The following BLOC1S5 variants were observed in gnomAD, a reference collection of about 807,000 sequenced individuals.
BLOC1S5 encodes biogenesis of lysosome-related organelles complex 1 subunit 5.
BLOC1S5 carries 27 observed loss-of-function variants against 24.3 expected under a neutral mutation model. That is an observed-to-expected ratio of 1.11 (90% CI 0.82 to 1.53). The LOEUF (loss-of-function observed/expected upper bound fraction) is 1.53. BLOC1S5 is among the 40% of genes most tolerant of loss of function. The pLI is 0.00. For missense variants in BLOC1S5, 239 were observed against 229.4 expected, an observed-to-expected ratio of 1.04 and a Z score of -0.27; for synonymous variants, 84 against 74.5, an observed-to-expected ratio of 1.13 and a Z score of -0.66.
rs1762701484 is a variant in BLOC1S5 at position 8,015,536 on chromosome 6, C to G, written c.*113G>C. ...ACTTCTTTCTTCTGATATAAGAGTG[C>G]CACTGAATATATTGCTAAGCTTGAA... On this transcript the variant is annotated 3_prime_UTR_variant, in exon 5 of 5. Transcript: ENST00000397457. 1.1e-5 allele frequency: 12 copies of G among 1,052,392 alleles called. No individual in the cohort carries two copies. The highest frequency in any genetic ancestry group is 1.8e-5 in the South Asian group (1 of 55,210). 65.2% of individuals were successfully genotyped at this position (1,052,392 alleles called of 1,614,324 possible). A position where few individuals can be genotyped will look rare whatever the true frequency, so the allele number is the denominator to read the frequency against.
intron 2 of BLOC1S5, among the ~76,000 whole-genome samples, chr6:8,059,773 T>C (rs1168954974): frequency 6.6e-6 from 1 of 152,160 alleles, no homozygotes; most frequent in East Asian, 1.9e-4. Flanking sequence ...GACCAATTGG[T>C]CTTGTGTTGG....
chr6:8,053,436 C>T (rs753957674), intron 2 of BLOC1S5, among the ~76,000 whole-genome samples: 18 of 152,096 alleles, frequency 1.2e-4, no homozygotes, highest in South Asian at 2.1e-4. Flanking sequence ...CCATTAACAT[C>T]GAAATAAGAT....
chr6:8,048,712 G>A (rs1365969891), intron 2 of BLOC1S5, among the ~76,000 whole-genome samples: 1 of 152,068 alleles, frequency 6.6e-6, no homozygotes, highest in Non-Finnish European at 1.5e-5. Flanking sequence ...ATTGTGCCTT[G>A]AAATTATGTG....
chr6:8,014,853 C>T lies in BLOC1S5; in HGVS notation c.*796G>A, dbSNP rs1762683198. On this transcript the variant is annotated 3_prime_UTR_variant, in exon 5 of 5. Coordinates refer to ENST00000397457, the MANE Select transcript of BLOC1S5 (RefSeq NM_201280.3). ...TTTATCTTATAAAGCTTACCCACAG[C>T]AAAACAGACACAAAAATGAGGTAAA... 1 of 152,498 alleles carries T rather than the reference C, an allele frequency of 6.6e-6. No homozygotes were observed. The highest frequency in any genetic ancestry group is 1.5e-5 in the Non-Finnish European group (1 of 68,024). The allele number at this position is 152,498 out of a possible 1,614,324, so 9.4% of individuals were successfully genotyped here.
intron 2 of BLOC1S5, among the ~76,000 whole-genome samples, chr6:8,051,443 C>T (rs561019888): frequency 1.3e-5 from 2 of 152,288 alleles, no homozygotes; most frequent in East Asian, 3.9e-4. Context: ...AGGAAAGACA[C>T]CATCTCCATA....
chr6:8,027,916 T>G (rs890318858), intron 3 of BLOC1S5, among the ~76,000 whole-genome samples: 5 of 152,196 alleles, frequency 3.3e-5, no homozygotes, highest in African/African-American at 1.2e-4. Context: ...AATCCTTTCC[T>G]TATTTCTTTC....
chr6:8,028,930 C>G lies in BLOC1S5; in HGVS notation c.326-2505G>C, dbSNP rs1561858132. Among the ~76,000 whole-genome samples, 2 of 151,884 alleles carry G rather than the reference C, an allele frequency of 1.3e-5. 1 individual carries two copies. The highest frequency in any genetic ancestry group is 4.2e-4 in the South Asian group (2 of 4,806). ...TGTAACTCAGTACGAAGTCATTTCCCCTGTTATCTCAGTGTTTTAGGAGAC... is the reference window on the plus strand; with the variant it reads ...TGTAACTCAGTACGAAGTCATTTCCGCTGTTATCTCAGTGTTTTAGGAGAC... On this transcript the variant is annotated intron_variant, in intron 3 of 4. Transcript: ENST00000397457.
At chr6:8,040,728 C>A (rs968126655) in intron 3 of BLOC1S5, among the ~76,000 whole-genome samples, 1 of 151,974 alleles carries the variant, frequency 6.6e-6, no homozygotes, top group African/African-American at 2.4e-5. Context: ...TGGTGAGACG[C>A]ACCTGTAGTC....
At chr6:8,047,160 T>TCACACACACACACA (rs57923927) in intron 2 of BLOC1S5, among the ~76,000 whole-genome samples, 1 of 126,948 alleles carries the variant, frequency 7.9e-6, no homozygotes, top group African/African-American at 3.1e-5. Context: ...TCTCTCTCTC[T>TCACACACACACACA]CACACACACA....
chr6:8,038,154 G>C (rs915563533), intron 3 of BLOC1S5, among the ~76,000 whole-genome samples: 4 of 152,082 alleles, frequency 2.6e-5, no homozygotes, highest in Non-Finnish European at 5.9e-5. Flanking sequence ...CAGACAAATG[G>C]GGTTACATCA....
chr6:8,041,733 G>C (rs1304613904), intron 2 of BLOC1S5: 1 of 147,148 alleles, frequency 6.8e-6, no homozygotes, highest in African/African-American at 2.5e-5. Flanking sequence ...TGCAAGCTCC[G>C]CCCGCTGGGT....
chr6:8,054,340 C>T, intron 2 of BLOC1S5: 1 of 418,208 alleles, frequency 2.4e-6, no homozygotes, highest in Non-Finnish European at 4.7e-6. Flanking sequence ...GGATATTACA[C>T]TGTCTGCCTT....
rs565388854 is a variant in BLOC1S5 at position 8,042,462 on chromosome 6, C to T, written c.196-1194G>A. Among the ~76,000 whole-genome samples the T allele has an allele frequency of 7.9e-5, 12 of 152,250 alleles. No individual in the cohort carries two copies. The East Asian group carries it at 1.7e-3, about 22-fold the overall frequency. On this transcript the variant is annotated intron_variant, in intron 2 of 4. Transcript: ENST00000397457. Reference sequence around the variant, plus strand: ...AACTTGACTAGTAAACAGTTTCCTCCGTTGGTATAAAACCCTTCCATAAAT... The same window carrying T: ...AACTTGACTAGTAAACAGTTTCCTCTGTTGGTATAAAACCCTTCCATAAAT...
intron 4 of BLOC1S5, among the ~76,000 whole-genome samples, chr6:8,024,700 G>T (rs1051106066): frequency 1.3e-5 from 2 of 152,020 alleles, no homozygotes; most frequent in African/African-American, 2.4e-5. Flanking sequence ...TTACCCACAC[G>T]GTGACCGCTC....
chr6:8,061,888 A>G (rs1225158014), intron 2 of BLOC1S5, among the ~76,000 whole-genome samples: 1 of 152,254 alleles, frequency 6.6e-6, no homozygotes, highest in Non-Finnish European at 1.5e-5. Flanking sequence ...GCAGGTGGTT[A>G]TGCTAGAAAA....
At chr6:8,049,122 G>A (rs1297618844) in intron 2 of BLOC1S5, among the ~76,000 whole-genome samples, 1 of 151,366 alleles carries the variant, frequency 6.6e-6, no homozygotes, top group East Asian at 2.0e-4. Context: ...TGTAATCCCA[G>A]CACTTTGGGA....
chr6:8,048,476 CAAACTTAAATT>C (rs1162801745), intron 2 of BLOC1S5, among the ~76,000 whole-genome samples: 2 of 151,574 alleles, frequency 1.3e-5, no homozygotes, highest in Admixed American at 6.6e-5. Flanking sequence ...TACTGATAGT[CAAACTTAAATT>C]AAAGACCACA....
intron 2 of BLOC1S5, among the ~76,000 whole-genome samples, chr6:8,061,813 A>T (rs1764524677): frequency 6.6e-6 from 1 of 152,242 alleles, no homozygotes; most frequent in Non-Finnish European, 1.5e-5. Context: ...AAACTACAGT[A>T]ATAGGAAACA....
At chr6:8,059,914 C>G (rs950521832) in intron 2 of BLOC1S5, among the ~76,000 whole-genome samples, 1 of 152,212 alleles carries the variant, frequency 6.6e-6, no homozygotes, top group Admixed American at 6.5e-5. Context: ...ACCGTAAGAA[C>G]GAAGGGTGGG....
Sources: allele counts gnomAD v4.1 joint callset (sites outside exome capture counted in the v4.1 genomes callset), GRCh38; gene constraint gnomAD v4.1.1; transcripts MANE v1.5; gene names NCBI Gene and HGNC (gene_info 2026-07-23, HGNC 2026-07-21).